The following DENND6A variants were observed in gnomAD, a reference collection of about 807,000 sequenced individuals.
DENND6A encodes protein DENND6A.
In DENND6A, 43 loss-of-function variants were observed where a neutral mutation model predicts 95.5. The ratio of observed to expected loss-of-function variants is 0.45; its 90% CI spans 0.35 to 0.58. DENND6A has a LOEUF of 0.58. Among genes scored for constraint, DENND6A ranks in the 20% least tolerant of loss-of-function variants. DENND6A has a pLI of 0.00. For synonymous variants in DENND6A, 257 were observed against 260.4 expected (o/e 0.99, Z 0.13); for missense variants, 574 against 736.0 (o/e 0.78, Z 2.55).
At chr3:57,687,530 CTAAA>C (rs2153417604) in intron 1 of DENND6A, among the ~76,000 whole-genome samples, 1 of 152,278 alleles carries the variant, frequency 6.6e-6, no homozygotes, top group Non-Finnish European at 1.5e-5. Flanking sequence ...GGTGGCTACA[CTAAA>C]TAACGGATTT....
chr3:57,642,334 A>AG (rs2070963754), intron 11 of DENND6A, among the ~76,000 whole-genome samples: 15 of 148,280 alleles, frequency 1.0e-4, no homozygotes, highest in Admixed American at 9.6e-4. Flanking sequence ...AAAAAAAAAA[A>AG]GCATAATAAT....
intron 12 of DENND6A, 77 bp downstream of exon 12, chr3:57,641,576 A>G: frequency 1.6e-6 from 2 of 1,279,650 alleles, no homozygotes. Context: ...AACATAAAAA[A>G]TAATCAAGGA....
chr3:57,664,693 T>C (rs1336262129), intron 4 of DENND6A, among the ~76,000 whole-genome samples: 6 of 151,828 alleles, frequency 4.0e-5, no homozygotes, highest in Non-Finnish European at 8.8e-5. Flanking sequence ...ATTAGCTGGG[T>C]GTGGTGGCAC....
intron 1 of DENND6A, among the ~76,000 whole-genome samples, chr3:57,683,805 G>A (rs1575869360): frequency 6.6e-6 from 1 of 152,132 alleles, no homozygotes; most frequent in Non-Finnish European, 1.5e-5. Flanking sequence ...AAGGACCAGG[G>A]TTCAAATCCT....
chr3:57,672,228 AC>A, intron 3 of DENND6A, 27 bp downstream of exon 3: 1 of 1,581,098 alleles, frequency 6.3e-7, no homozygotes, highest in Non-Finnish European at 8.6e-7. Flanking sequence ...ATAAAATTAA[AC>A]AGAAACACTG....
intron 14 of DENND6A, 104 bp downstream of exon 14, chr3:57,634,454 A>T: frequency 4.1e-6 from 2 of 488,642 alleles, no homozygotes; most frequent in Admixed American, 4.7e-5. Context: ...AAAAAAAAGG[A>T]GAGATCCTAT....
At chr3:57,634,458 A>G in intron 14 of DENND6A, 100 bp downstream of exon 14, 13 of 557,596 alleles carry the variant, frequency 2.3e-5, no homozygotes, top group Non-Finnish European at 3.3e-5. Flanking sequence ...AAAAGGAGAG[A>G]TCCTATTTCA....
intron 1 of DENND6A, among the ~76,000 whole-genome samples, chr3:57,681,621 T>TA (rs35245886): frequency 0.42 from 50,683 of 119,322 alleles, 10,333 homozygotes; most frequent in South Asian, 0.56. Flanking sequence ...AAGACCCTGT[T>TA]AAAAAAAAAA....
At position 57,681,622 on chromosome 3, in the gene DENND6A, A is replaced by T. The variant is rs570406960; in HGVS notation, c.238-9184T>A. 1.2e-3 allele frequency among the ~76,000 whole-genome samples: 59 copies of T among 47,780 alleles called. No individual in the cohort carries two copies. In the East Asian group the frequency reaches 0.033, roughly 27 times the overall value. The allele number at this position is 47,780 out of a possible 152,430, so 31.3% of individuals were successfully genotyped here. On this transcript the variant is annotated intron_variant, in intron 1 of 19. Transcript: ENST00000311128. ...CTAGGCAACAGAGCAAGACCCTGTT[A>T]AAAAAAAAAAAAAAAGAAAGAAAGA...
intron 1 of DENND6A, among the ~76,000 whole-genome samples, chr3:57,677,914 T>C (rs954153349): frequency 2.6e-5 from 4 of 152,200 alleles, no homozygotes; most frequent in East Asian, 1.9e-4. Flanking sequence ...AGTTCCTAAA[T>C]AGAAGCACTT....
intron 3 of DENND6A, among the ~76,000 whole-genome samples, chr3:57,668,097 C>CT (rs1033336046): frequency 7.9e-5 from 12 of 151,768 alleles, no homozygotes; most frequent in Non-Finnish European, 8.8e-5. Context: ...TTTTACATTT[C>CT]TTTTTTTTCC....
In DENND6A at chr3:57,657,579, C is replaced by T; in HGVS notation, c.818+101G>A. ...CATGTAAAACATAACTATTTTCTTC[C>T]AATTTTTTCCACATCCTATATAATA... On this transcript the variant is annotated intron_variant, in intron 9 of 19. Transcript: ENST00000311128. The T allele has an allele frequency of 6.8e-6, 5 of 740,032 alleles. 1 individual carries two copies. Among genetic ancestry groups the T allele is most frequent in the Non-Finnish European group, 1.1e-5 (5 of 453,304 alleles). 45.8% of individuals were successfully genotyped at this position (740,032 alleles called of 1,614,324 possible). A position where few individuals can be genotyped will look rare whatever the true frequency, so the allele number is the denominator to read the frequency against.
rs754058356 is a variant in DENND6A, at chr3:57,661,492, CTGTT to C, written c.569_572del (p.Lys190ArgfsTer2). 3.2e-6 allele frequency: 5 copies of C among 1,585,554 alleles called. No homozygotes were observed. The highest frequency in any genetic ancestry group is 4.3e-6 in the Non-Finnish European group (5 of 1,173,456). On this transcript the variant is annotated frameshift_variant, in exon 6 of 20. Coordinates refer to ENST00000311128, the MANE Select transcript of DENND6A (RefSeq NM_152678.3). LOFTEE classifies it high-confidence loss of function. ...TCTTTTCAAAATACTCTGGTGCTATCTGTTTGAGCACAGTGTGAAAAAAATGAAT... is the reference window on the plus strand; with the variant it reads ...TCTTTTCAAAATACTCTGGTGCTATCTGAGCACAGTGTGAAAAAAATGAAT...
chr3:57,663,743 G>A (rs1209949102), intron 4 of DENND6A, 27 bp from the exon 5 acceptor site: 1 of 1,372,966 alleles, frequency 7.3e-7, no homozygotes, highest in Non-Finnish European at 1.0e-6. Context: ...AAGTAAGTGT[G>A]TGTGGGGGGG....
At chr3:57,629,000 A>G in intron 18 of DENND6A, 115 bp from the exon 19 acceptor site, 1 of 835,788 alleles carries the variant, frequency 1.2e-6, no homozygotes, top group Admixed American at 3.0e-5. Context: ...AGAACAAAGT[A>G]TTTAACCCAG....
intron 11 of DENND6A, 75 bp from the exon 12 acceptor site, chr3:57,641,822 C>CT (rs1033659966): frequency 1.4e-3 from 1,659 of 1,207,336 alleles, no homozygotes; most frequent in Non-Finnish European, 1.5e-3. Context: ...GAATAGTTTA[C>CT]TTTTTTTTTC....
rs558640604 is a variant in DENND6A at position 57,692,614 on chromosome 3, G to C, written c.237+168C>G. Among the ~76,000 whole-genome samples, 9 of 152,352 alleles carry C rather than the reference G, an allele frequency of 5.9e-5. No homozygotes were observed. The East Asian group carries it at 1.7e-3, about 29-fold the overall frequency. On this transcript the variant is annotated intron_variant, in intron 1 of 19. Transcript: ENST00000311128. ...TAGCCGCAGCCCAAGATCCTCCCAC[G>C]GGAAGTGCCGTAGGACCGCAGCCCG...
At position 57,661,509 on chromosome 3, in the gene DENND6A, GA is replaced by G; in HGVS notation, c.555del (p.His186ThrfsTer7). On this transcript the variant is annotated frameshift_variant, in exon 6 of 20. Transcript: ENST00000311128. LOFTEE classifies it high-confidence loss of function. ...LISKLPYIHF[F>X]HTVLKQIAPE... Reference sequence around the variant, plus strand: ...GGTGCTATCTGTTTGAGCACAGTGTGAAAAAAATGAATATAAGGTAGTTTGC... The same window carrying G: ...GGTGCTATCTGTTTGAGCACAGTGTGAAAAAATGAATATAAGGTAGTTTGC... 8 of 1,579,868 alleles carry G rather than the reference GA, an allele frequency of 5.1e-6. No homozygotes were observed. Among genetic ancestry groups the G allele is most frequent in the Admixed American group, 2.1e-5 (1 of 47,990 alleles).
chr3:57,674,179 G>A (rs1423045160), intron 1 of DENND6A, among the ~76,000 whole-genome samples: 3 of 151,868 alleles, frequency 2.0e-5, no homozygotes, highest in African/African-American at 4.8e-5. Flanking sequence ...GCAGGAGATC[G>A]AGACCATACG....
Sources: allele counts gnomAD v4.1 joint callset (sites outside exome capture counted in the v4.1 genomes callset), GRCh38; gene constraint gnomAD v4.1.1; transcripts MANE v1.5; gene names NCBI Gene and HGNC (gene_info 2026-07-23, HGNC 2026-07-21).